The following KIAA1671 variants were observed in gnomAD, a reference collection of about 807,000 sequenced individuals.
KIAA1671 encodes uncharacterized protein KIAA1671.
Under a neutral mutation model 131.2 loss-of-function variants are expected in KIAA1671, and 52 were observed. The observed-to-expected ratio is 0.40, with a 90% CI of 0.32 to 0.50. The LOEUF (loss-of-function observed/expected upper bound fraction) is 0.50. Among genes scored for constraint, KIAA1671 ranks in the 20% least tolerant of loss-of-function variants. The pLI is 0.73. For missense variants in KIAA1671, 2,360 were observed against 2,364.2 expected, an observed-to-expected ratio of 1.00 and a Z score of 0.04; for synonymous variants, 1,003 against 961.6, an observed-to-expected ratio of 1.04 and a Z score of -0.80.
Position 25,049,283 on chromosome 22 carries a change from G to A in KIAA1671, c.4449G>A (p.Pro1483=), listed in dbSNP as rs1178327065. 1.5e-5 allele frequency: 23 copies of A among 1,551,744 alleles called. No homozygotes were observed. Among genetic ancestry groups the A allele is most frequent in the South Asian group, 3.6e-5 (3 of 84,062 alleles). The change falls in exon 6 of 13, where the codon CCG becomes CCA. Residue 1483 remains proline (P), a synonymous_variant. Transcript: ENST00000358431. ...ATGCCCCCCAGGAGAAGGAGCGACC[G>A]CTCCAGCAGGTGTCCCCTGTGGCCT... ...KEDAPQEKER[P]LQQVSPVASV...
intron 11 of KIAA1671, chr22:25,186,172 G>A (rs1269000989): frequency 2.0e-5 from 3 of 152,270 alleles, no homozygotes; most frequent in Admixed American, 2.0e-4. Context: ...ACAGCCCACA[G>A]AATCAGGAAT....
chr22:25,006,936 T>C (rs1924778982), intron 1 of KIAA1671, among the ~76,000 whole-genome samples: 1 of 152,188 alleles, frequency 6.6e-6, no homozygotes, highest in Non-Finnish European at 1.5e-5. Flanking sequence ...CCTTTTGCTA[T>C]GTAAGGCAAT....
At chr22:25,068,804 G>A (rs1178941136) in intron 6 of KIAA1671, among the ~76,000 whole-genome samples, 2 of 152,190 alleles carry the variant, frequency 1.3e-5, no homozygotes, top group East Asian at 3.9e-4. Context: ...GAGGCTGAAG[G>A]ATGCAGCACA....
intron 6 of KIAA1671, chr22:25,056,057 G>A (rs1223186963): frequency 1.4e-5 from 2 of 144,592 alleles, no homozygotes; most frequent in East Asian, 2.0e-4. Context: ...TGGTAGAGAC[G>A]GGGTTTTGCC....
At chr22:24,962,421 G>A (rs999159633) in intron 1 of KIAA1671, among the ~76,000 whole-genome samples, 5 of 152,150 alleles carry the variant, frequency 3.3e-5, no homozygotes, top group Non-Finnish European at 7.3e-5. Flanking sequence ...TCCTGATAGG[G>A]GCAGAATGAG....
rs1485460656 is a variant in KIAA1671 at position 25,193,041 on chromosome 22, C to T, written c.*640C>T. 1 of 151,800 alleles carries T rather than the reference C, an allele frequency of 6.6e-6. No individual in the cohort carries two copies. Among genetic ancestry groups the T allele is most frequent in the Non-Finnish European group, 1.5e-5 (1 of 67,972 alleles). 9.4% of individuals were successfully genotyped at this position (151,800 alleles called of 1,614,324 possible). On this transcript the variant is annotated 3_prime_UTR_variant, in exon 13 of 13. Transcript: ENST00000358431. Reference sequence around the variant, plus strand: ...TAGTGGGGCTGTGTGCATCGTTGGCCTATGTTATTGTATGTCATTTTTGTT... The same window carrying T: ...TAGTGGGGCTGTGTGCATCGTTGGCTTATGTTATTGTATGTCATTTTTGTT...
At chr22:25,153,720 G>C (rs1933128765) in intron 6 of KIAA1671, among the ~76,000 whole-genome samples, 1 of 152,202 alleles carries the variant, frequency 6.6e-6, no homozygotes, top group African/African-American at 2.4e-5. Context: ...AGAGTCCTGG[G>C]CACTCGGATG....
Position 25,163,184 on chromosome 22 carries a change from C to G in KIAA1671, c.4531-7636C>G, listed in dbSNP as rs536520521. On this transcript the variant is annotated intron_variant, in intron 6 of 12. Transcript: ENST00000358431. Reference sequence around the variant, plus strand: ...CTCTACAAAAAATACAAAAATTAGCCAGGCATGGTGGCACATGCCTGTAGT... The same window carrying G: ...CTCTACAAAAAATACAAAAATTAGCGAGGCATGGTGGCACATGCCTGTAGT... 1.5e-3 allele frequency among the ~76,000 whole-genome samples: 227 copies of G among 151,832 alleles called. 1 individual carries two copies. The highest frequency in any genetic ancestry group is 5.4e-3 in the African/African-American group (222 of 41,426).
At chr22:25,038,595 A>G (rs949081234) in intron 4 of KIAA1671, among the ~76,000 whole-genome samples, 165 bp from the exon 5 acceptor site, 1 of 152,134 alleles carries the variant, frequency 6.6e-6, no homozygotes, top group Non-Finnish European at 1.5e-5. Context: ...CTGAGTGTCC[A>G]TTTCCCCACA....
At chr22:24,996,398 G>A (rs1156642647) in intron 1 of KIAA1671, among the ~76,000 whole-genome samples, 1 of 152,284 alleles carries the variant, frequency 6.6e-6, no homozygotes, top group Non-Finnish European at 1.5e-5. Context: ...TTTCCTTACA[G>A]CATGGCCCCT....
At chr22:24,994,694 T>A (rs919675211) in intron 1 of KIAA1671, among the ~76,000 whole-genome samples, 1 of 152,178 alleles carries the variant, frequency 6.6e-6, no homozygotes, top group Non-Finnish European at 1.5e-5. Context: ...GTGGCTTCCC[T>A]GTTCCTGCTT....
intron 1 of KIAA1671, among the ~76,000 whole-genome samples, chr22:24,973,658 A>G (rs1234335212): frequency 6.6e-6 from 1 of 151,724 alleles, no homozygotes; most frequent in Non-Finnish European, 1.5e-5. Flanking sequence ...GGCCTCCCAA[A>G]GTGCTAGGAT....
chr22:25,085,014 A>G (rs5760836), intron 6 of KIAA1671, among the ~76,000 whole-genome samples: 42,113 of 152,190 alleles, frequency 0.28, 7,319 homozygotes, highest in African/African-American at 0.5. Context: ...GGACTTACAT[A>G]GCGTCACTTC....
At chr22:25,178,135 A>T (rs911830200) in intron 9 of KIAA1671, among the ~76,000 whole-genome samples, 1 of 152,004 alleles carries the variant, frequency 6.6e-6, no homozygotes, top group Non-Finnish European at 1.5e-5. Context: ...GAAGTGGGGG[A>T]TGCTGCAGTG....
chr22:25,147,150 T>TTA (rs1193135291), intron 6 of KIAA1671, among the ~76,000 whole-genome samples: 1 of 147,090 alleles, frequency 6.8e-6, no homozygotes, highest in East Asian at 2.0e-4. Context: ...TTATTTTATT[T>TTA]TTTACTATTT....
chr22:25,139,838 A>C (rs535104823), intron 6 of KIAA1671, among the ~76,000 whole-genome samples: 1 of 152,328 alleles, frequency 6.6e-6, no homozygotes, highest in Non-Finnish European at 1.5e-5. Context: ...AAGGAAGAAC[A>C]TGCCAGAAGT....
intron 12 of KIAA1671, among the ~76,000 whole-genome samples, chr22:25,191,994 G>A (rs1420430991): frequency 1.3e-5 from 2 of 152,072 alleles, no homozygotes; most frequent in Non-Finnish European, 2.9e-5. Context: ...ACATGATTAT[G>A]TATGATGCAT....
intron 1 of KIAA1671, chr22:25,011,175 C>G (rs979375941): frequency 6.6e-6 from 1 of 151,128 alleles, no homozygotes; most frequent in Non-Finnish European, 1.5e-5. Flanking sequence ...CGAAGTCTCA[C>G]TCTGTCGCCT....
intron 6 of KIAA1671, among the ~76,000 whole-genome samples, chr22:25,067,135 T>C (rs776145903): frequency 2.1e-4 from 32 of 152,076 alleles, no homozygotes; most frequent in Non-Finnish European, 4.0e-4. Context: ...CCCTGGTGCG[T>C]CTGACCACCT....
Sources: gnomAD v4.1 joint callset for allele counts (sites outside exome capture counted in the v4.1 genomes callset) on GRCh38, gnomAD v4.1.1 for gene constraint, MANE v1.5 for transcripts, NCBI Gene and HGNC (gene_info 2026-07-23, HGNC 2026-07-21) for gene names.